CCSER1: variants seen among roughly 807,000 people sequenced by gnomAD.
CCSER1 encodes the protein serine-rich coiled-coil domain-containing protein 1.
CCSER1 carries 41 observed loss-of-function variants against 82.0 expected under a neutral mutation model. That is an observed-to-expected ratio of 0.50 (90% CI 0.39 to 0.65). The LOEUF (loss-of-function observed/expected upper bound fraction) is 0.65. Among genes scored for constraint, CCSER1 ranks in the 30% least tolerant of loss-of-function variants. The probability of loss-of-function intolerance (pLI) is 0.00; values close to 1 mark genes in which losing one functional copy is unlikely to be tolerated. For synonymous variants in CCSER1, 414 were observed against 383.9 expected (o/e 1.08, Z -0.92); for missense variants, 1,119 against 1,064.2 (o/e 1.05, Z -0.72).
intron 10 of CCSER1, among the ~76,000 whole-genome samples, chr4:91,439,474 G>A (rs1162852047): frequency 6.6e-6 from 1 of 152,014 alleles, no homozygotes; most frequent in Non-Finnish European, 1.5e-5. Flanking sequence ...AAGAGCTCCT[G>A]AAGGAAGCAC....
At chr4:91,356,497 C>T (rs561058569) in intron 10 of CCSER1, among the ~76,000 whole-genome samples, 90 of 152,264 alleles carry the variant, frequency 5.9e-4, no homozygotes, top group African/African-American at 2.1e-3. Flanking sequence ...GTTGAAAGAC[C>T]TATAAGGGGC....
At position 90,356,143 on chromosome 4, in the gene CCSER1, G is replaced by A. The variant is rs191056175; in HGVS notation, c.1509+43096G>A. Among the ~76,000 whole-genome samples, 6 of 151,830 alleles carry A rather than the reference G, an allele frequency of 4.0e-5. No homozygotes were observed. In the East Asian group the frequency reaches 1.2e-3, roughly 29 times the overall value. On this transcript the variant is annotated intron_variant, in intron 3 of 10. Coordinates refer to ENST00000509176, the MANE Select transcript of CCSER1 (RefSeq NM_001145065.2). ...CTGGTTTCTTTTAATAAAATTAATA[G>A]TTTGCCCAACTTACAGTATATCAAA...
At chr4:90,974,891 A>G (rs1461959072) in intron 9 of CCSER1, among the ~76,000 whole-genome samples, 1 of 151,512 alleles carries the variant, frequency 6.6e-6, no homozygotes, top group African/African-American at 2.4e-5. Flanking sequence ...ATAAAAACTT[A>G]TGTTCACACA....
chr4:91,356,294 C>T (rs1178908220), intron 10 of CCSER1, among the ~76,000 whole-genome samples: 3 of 152,232 alleles, frequency 2.0e-5, no homozygotes, highest in Non-Finnish European at 4.4e-5. Context: ...CTGGGGCCGA[C>T]ATGCGTTTTT....
Position 90,781,177 on chromosome 4 carries a change from C to A in CCSER1, c.2011-34585C>A, listed in dbSNP as rs556228397. The stretch of plus-strand genomic sequence containing the variant: ...CTCCCACCAAGCCCCACCTCCAGCA[C>A]TGGGGATCACAACTCGACATGAGAT... On this transcript the variant is annotated intron_variant, in intron 7 of 10. Coordinates refer to ENST00000509176, the MANE Select transcript of CCSER1 (RefSeq NM_001145065.2). 5.4e-6 allele frequency: 4 copies of A among 741,064 alleles called. No homozygotes were observed. In the South Asian group the frequency reaches 1.8e-4, roughly 34 times the overall value. 45.9% of individuals were successfully genotyped at this position (741,064 alleles called of 1,614,324 possible).
At chr4:90,132,167 G>A (rs1158841273) in intron 1 of CCSER1, among the ~76,000 whole-genome samples, 1 of 152,284 alleles carries the variant, frequency 6.6e-6, no homozygotes, top group Non-Finnish European at 1.5e-5. Flanking sequence ...ATGCAAGAAT[G>A]GAATGATTCC....
intron 8 of CCSER1, among the ~76,000 whole-genome samples, chr4:90,869,206 C>T (rs368174035): frequency 9.2e-5 from 14 of 151,754 alleles, no homozygotes; most frequent in South Asian, 2.1e-4. Flanking sequence ...TAGCATGATG[C>T]GATCCCATTT....
At chr4:91,498,336 G>A (rs1759036233) in intron 10 of CCSER1, among the ~76,000 whole-genome samples, 1 of 151,806 alleles carries the variant, frequency 6.6e-6, no homozygotes, top group Non-Finnish European at 1.5e-5. Flanking sequence ...ATCCCTCCGG[G>A]ATAACTTTAC....
intron 10 of CCSER1, among the ~76,000 whole-genome samples, chr4:91,353,813 T>A (rs1289705116): frequency 6.6e-6 from 1 of 152,192 alleles, no homozygotes; most frequent in Non-Finnish European, 1.5e-5. Flanking sequence ...ATTACTATGA[T>A]TACTTTTATT....
chr4:90,453,230 C>A (rs1249765450), intron 4 of CCSER1, among the ~76,000 whole-genome samples: 1 of 152,066 alleles, frequency 6.6e-6, no homozygotes, highest in Non-Finnish European at 1.5e-5. Flanking sequence ...TCTTTTAGAT[C>A]CAGGACTGTG....
Position 90,628,198 on chromosome 4 carries a change from C to T in CCSER1, c.1898C>T (p.Thr633Met), listed in dbSNP as rs941147990. The T allele has an allele frequency of 3.7e-6, 6 of 1,613,464 alleles. No homozygotes were observed. The highest frequency in any genetic ancestry group is 5.1e-6 in the Non-Finnish European group (6 of 1,179,684). Residue 633 changes from threonine to methionine, a missense_variant, in exon 6 of 11, where the codon ACG (threonine) becomes ATG (methionine). By Grantham distance (81) the Thr-to-Met change is moderately conservative. Transcript: ENST00000509176. The stretch of plus-strand genomic sequence containing the variant: ...TTACAGGACTGCACGGCAGTCAAGA[C>T]GTTATTATTAAAGATGAAGAGAGTT... ...LMLQDCTAVK[T>M]LLLKMKRVLQ...
chr4:90,441,472 G>A (rs1161530507), intron 4 of CCSER1, among the ~76,000 whole-genome samples: 2 of 152,024 alleles, frequency 1.3e-5, no homozygotes, highest in African/African-American at 4.8e-5. Context: ...AATCTCTCTG[G>A]GGTCTTTTTT....
chr4:90,494,119 T>C (rs569947652), intron 5 of CCSER1, among the ~76,000 whole-genome samples: 10 of 152,206 alleles, frequency 6.6e-5, no homozygotes, highest in African/African-American at 2.4e-4. Context: ...GCAATCCTAG[T>C]CTTGGATAAA....
intron 8 of CCSER1, among the ~76,000 whole-genome samples, chr4:90,862,898 AT>A (rs1417123967): frequency 9.2e-6 from 1 of 109,072 alleles, no homozygotes; most frequent in Admixed American, 9.4e-5. Context: ...GGAGCACACT[AT>A]TTTTTGTCTT....
chr4:90,351,761 TA>T (rs1743484559), intron 3 of CCSER1, among the ~76,000 whole-genome samples: 1 of 152,206 alleles, frequency 6.6e-6, no homozygotes, highest in African/African-American at 2.4e-5. Context: ...TATCTTTGCA[TA>T]AAATTTTTTG....
intron 10 of CCSER1, among the ~76,000 whole-genome samples, chr4:91,154,724 T>A (rs1181495541): frequency 6.6e-6 from 1 of 151,974 alleles, no homozygotes; most frequent in Non-Finnish European, 1.5e-5. Context: ...ACTATGCATA[T>A]GAGATGAATA....
intron 10 of CCSER1, among the ~76,000 whole-genome samples, chr4:91,165,978 C>T (rs934402511): frequency 6.6e-6 from 1 of 152,224 alleles, no homozygotes; most frequent in Non-Finnish European, 1.5e-5. Flanking sequence ...CCAGGTACCT[C>T]AGTAGGAAAT....
intron 10 of CCSER1, among the ~76,000 whole-genome samples, chr4:91,525,923 C>G (rs1402996052): frequency 5.3e-5 from 8 of 152,120 alleles, no homozygotes; most frequent in Non-Finnish European, 7.4e-5. Context: ...AAGTGGGGGT[C>G]AGACATGTCT....
chr4:90,660,583 A>G (rs990634870), intron 6 of CCSER1, among the ~76,000 whole-genome samples: 1 of 152,152 alleles, frequency 6.6e-6, no homozygotes, highest in Non-Finnish European at 1.5e-5. Flanking sequence ...CCATAAAATC[A>G]TATATGCCAA....
Sources: allele counts gnomAD v4.1 joint callset (sites outside exome capture counted in the v4.1 genomes callset), GRCh38; gene constraint gnomAD v4.1.1; transcripts MANE v1.5; gene names NCBI Gene and HGNC (gene_info 2026-07-23, HGNC 2026-07-21).